The following SLC15A1 variants were observed in gnomAD, a reference collection of about 807,000 sequenced individuals.
SLC15A1 encodes Caco-2 oligopeptide transporter.
In SLC15A1, 83 loss-of-function variants were observed where a neutral mutation model predicts 92.9. The observed-to-expected ratio is 0.89, with a 90% CI of 0.75 to 1.07. SLC15A1 has a LOEUF of 1.07. Ranked by LOEUF, SLC15A1 falls within the 50% of genes least tolerant of loss-of-function variation. SLC15A1 has a pLI of 0.00. For synonymous variants in SLC15A1, 322 were observed against 318.2 expected (o/e 1.01, Z -0.13); for missense variants, 857 against 880.1 (o/e 0.97, Z 0.33).
rs2088293522 is a variant in SLC15A1, at chr13:98,725,779, C to T, written c.245+344G>A. Among the ~76,000 whole-genome samples, 3 of 152,142 alleles carry T rather than the reference C, an allele frequency of 2.0e-5. No individual in the cohort carries two copies. In the South Asian group the frequency reaches 6.2e-4, roughly 32 times the overall value. ...TTGTTCTGTCATCCAGGCTGGGGTG[C>T]AGTGATGTGATCACAGCTCACTGCA... On this transcript the variant is annotated intron_variant, in intron 4 of 22. Transcript: ENST00000376503.
rs867134128 is a variant in SLC15A1, at chr13:98,712,509, C to G, written c.799G>C (p.Glu267Gln). The G allele has an allele frequency of 1.9e-6, 3 of 1,611,320 alleles. No homozygotes were observed. Among genetic ancestry groups the G allele is most frequent in the South Asian group, 2.2e-5 (2 of 90,652 alleles). ...KREHWLDWAKEKYDERLISQI... is the reference protein window; with the variant it reads ...KREHWLDWAKQKYDERLISQI... ...TGACCGTTACTTACATCGTATTTCT[C>G]TTTAGCCCAGTCCAGCCAGTGCTCC... The change falls in exon 10 of 23, where the codon GAG becomes CAG. Residue 267 changes from glutamate (E) to glutamine (Q), a missense_variant. By Grantham distance (29) the Glu-to-Gln change is conservative. Coordinates refer to ENST00000376503, the MANE Select transcript of SLC15A1 (RefSeq NM_005073.4).
At chr13:98,736,306 G>T (rs1161545745) in intron 1 of SLC15A1, among the ~76,000 whole-genome samples, 1 of 152,178 alleles carries the variant, frequency 6.6e-6, no homozygotes, top group South Asian at 2.1e-4. Context: ...AGCTGAAACT[G>T]GATCCCTTCC....
At chr13:98,739,928 G>C (rs202235944) in intron 1 of SLC15A1, among the ~76,000 whole-genome samples, 1 of 151,794 alleles carries the variant, frequency 6.6e-6, no homozygotes, top group African/African-American at 2.4e-5. Flanking sequence ...AATACGACAA[G>C]AATTTACCAT....
chr13:98,714,569 C>T (rs1229467389), intron 9 of SLC15A1, among the ~76,000 whole-genome samples: 4 of 146,106 alleles, frequency 2.7e-5, no homozygotes, highest in Middle Eastern at 3.3e-3. Context: ...GCAGGAGAAT[C>T]GCTTGAACTG....
chr13:98,720,078 G>C (rs1252394815), intron 7 of SLC15A1, among the ~76,000 whole-genome samples: 1 of 152,214 alleles, frequency 6.6e-6, no homozygotes, highest in Non-Finnish European at 1.5e-5. Context: ...GCTGCTATCA[G>C]GGTTTTGCTT....
At chr13:98,737,078 G>T (rs1413550658) in intron 1 of SLC15A1, among the ~76,000 whole-genome samples, 3 of 152,150 alleles carry the variant, frequency 2.0e-5, no homozygotes, top group African/African-American at 7.2e-5. Context: ...CAATAGCAAA[G>T]ACTTGGAACC....
At chr13:98,702,355 C>T in intron 18 of SLC15A1, 125 bp downstream of exon 18, 1 of 739,680 alleles carries the variant, frequency 1.4e-6, no homozygotes, top group Non-Finnish European at 2.4e-6. Context: ...TTCAGCCAGC[C>T]TTACATTGCT....
chr13:98,720,977 AG>A (rs2088252570), intron 7 of SLC15A1: 2 of 372,338 alleles, frequency 5.4e-6, no homozygotes, highest in Middle Eastern at 5.2e-4. Context: ...GCTTGAACCC[AG>A]GAGGTGGAGG....
intron 18 of SLC15A1, among the ~76,000 whole-genome samples, chr13:98,693,649 TTC>T (rs1302736310): frequency 6.6e-6 from 1 of 152,244 alleles, no homozygotes; most frequent in African/African-American, 2.4e-5. Flanking sequence ...TGTAAATATT[TTC>T]TCTCATTCTG....
At chr13:98,718,088 C>T (rs939767237) in intron 8 of SLC15A1, among the ~76,000 whole-genome samples, 5 of 152,118 alleles carry the variant, frequency 3.3e-5, no homozygotes, top group Middle Eastern at 3.4e-3. Context: ...AAAGTTATTG[C>T]GGTTTTTGCC....
chr13:98,711,918 A>G lies in SLC15A1; in HGVS notation c.836T>C (p.Met279Thr), dbSNP rs761740582. 7 of 1,613,022 alleles carry G rather than the reference A, an allele frequency of 4.3e-6. No individual in the cohort carries two copies. The highest frequency in any genetic ancestry group is 5.9e-6 in the Non-Finnish European group (7 of 1,179,928). The part of the protein sequence containing the change: ...YDERLISQIK[M>T]VTRVMFLYIP... ...ATACAGGAACATCACCCTCGTAACC[A>G]TCTTAATTTGGGAGATGAGCCGCTC... Residue 279 changes from methionine (M) to threonine (T), a missense_variant, in exon 11 of 23, where the codon ATG becomes ACG. Transcript: ENST00000376503.
intron 18 of SLC15A1, among the ~76,000 whole-genome samples, chr13:98,697,842 T>A (rs920908065): frequency 6.6e-6 from 1 of 152,166 alleles, no homozygotes; most frequent in Non-Finnish European, 1.5e-5. Flanking sequence ...AAGAAAGGCA[T>A]TAACCTGGCA....
chr13:98,706,199 T>C lies in SLC15A1; in HGVS notation c.1204A>G (p.Ile402Val), dbSNP rs2088111790. 1 of 1,613,670 alleles carries C rather than the reference T, an allele frequency of 6.2e-7. No individual in the cohort carries two copies. ...GNEVQIKVLN[I>V]GNNTMNISLP... ...GATATATTCATGGTATTGTTTCCTA[T>C]ATTCAAAACTTTAATTTGGACTTCG... The change falls in exon 16 of 23, where the codon ATA becomes GTA. Residue 402 changes from isoleucine (I) to valine (V), a missense_variant. By Grantham distance (29) the Ile-to-Val change is conservative. Coordinates refer to ENST00000376503, the MANE Select transcript of SLC15A1 (RefSeq NM_005073.4).
intron 1 of SLC15A1, among the ~76,000 whole-genome samples, chr13:98,736,367 A>C (rs1455837627): frequency 6.6e-6 from 1 of 152,236 alleles, no homozygotes; most frequent in African/African-American, 2.4e-5. Context: ...CTTAAATGTT[A>C]GACCTAAAAC....
At chr13:98,738,323 A>G (rs1314016175) in intron 1 of SLC15A1, among the ~76,000 whole-genome samples, 1 of 152,278 alleles carries the variant, frequency 6.6e-6, no homozygotes, top group Non-Finnish European at 1.5e-5. Flanking sequence ...AGATATTTGC[A>G]TAACTAAGAA....
chr13:98,688,404 TTTCAATGCA>T (rs2087948647), intron 19 of SLC15A1, 48 bp from the exon 20 acceptor site: 1 of 1,604,058 alleles, frequency 6.2e-7, no homozygotes, highest in Non-Finnish European at 8.5e-7. Flanking sequence ...GCATTAAAAA[TTTCAATGCA>T]TTTTTTAAAG....
At chr13:98,726,577 G>C (rs1210482656) in intron 2 of SLC15A1, 128 bp from the exon 3 acceptor site, 1 of 860,076 alleles carries the variant, frequency 1.2e-6, no homozygotes, top group Non-Finnish European at 1.9e-6. Context: ...GTCTAGAGCA[G>C]GAAACTAGCA....
chr13:98,742,165 G>A (rs1490027942), intron 1 of SLC15A1, among the ~76,000 whole-genome samples: 1 of 152,202 alleles, frequency 6.6e-6, no homozygotes, highest in East Asian at 1.9e-4. Flanking sequence ...GGACCCCCGA[G>A]GATTCTGGTG....
chr13:98,716,705 T>C (rs1263048071), intron 8 of SLC15A1, among the ~76,000 whole-genome samples: 1 of 152,178 alleles, frequency 6.6e-6, no homozygotes, highest in Non-Finnish European at 1.5e-5. Flanking sequence ...CTTTTTAATA[T>C]TCAGGAAAAA....
Sources: allele counts gnomAD v4.1 joint callset (sites outside exome capture counted in the v4.1 genomes callset), GRCh38; gene constraint gnomAD v4.1.1; transcripts MANE v1.5; gene names NCBI Gene and HGNC (gene_info 2026-07-23, HGNC 2026-07-21).